Variants in ST7 observed in about 807,000 individuals in gnomAD.
ST7 encodes suppression of tumorigenicity 7, also known as suppressor of tumorigenicity 7 protein.
ST7 carries 28 observed loss-of-function variants against 78.7 expected under a neutral mutation model. The ratio of observed to expected loss-of-function variants is 0.36; its 90% confidence interval spans 0.26 to 0.49. ST7 has a LOEUF of 0.49. ST7 is among the 20% of genes least tolerant of loss of function. The pLI is 0.99. For missense variants in ST7, 418 were observed against 696.0 expected (o/e 0.60, Z 4.49); for synonymous variants, 247 against 249.6 (o/e 0.99, Z 0.10).
chr7:117,138,955 G>A (rs1805035715), intron 9 of ST7, among the ~76,000 whole-genome samples: 1 of 152,098 alleles, frequency 6.6e-6, no homozygotes, highest in Non-Finnish European at 1.5e-5. Context: ...TAGTTGTTAG[G>A]AAGATTCGAA....
intron 1 of ST7, among the ~76,000 whole-genome samples, chr7:117,074,243 T>C (rs2116542058): frequency 6.6e-6 from 1 of 152,140 alleles, no homozygotes; most frequent in Non-Finnish European, 1.5e-5. Context: ...ATACAAAAAT[T>C]AGCCAGGTGT....
intron 2 of ST7, among the ~76,000 whole-genome samples, chr7:117,112,078 A>G (rs780418343): frequency 2.0e-5 from 3 of 151,864 alleles, no homozygotes; most frequent in Admixed American, 6.6e-5. Flanking sequence ...ATATACATAT[A>G]TGTACATATA....
intron 1 of ST7, among the ~76,000 whole-genome samples, chr7:117,000,350 A>G (rs1302002202): frequency 2.0e-5 from 3 of 152,232 alleles, no homozygotes; most frequent in African/African-American, 7.2e-5. Flanking sequence ...TCATGTGGCT[A>G]GTGTGACTGA....
In ST7 at chr7:117,167,053, CTT is replaced by C. The variant is rs763690509; in HGVS notation, c.964-3798_964-3797del. ...GAGAAAAGAGGAGATGGTAATGATTCTTTTTTTTTTTTACTTTGTTTTTTTTA... is the reference window on the plus strand; with the variant it reads ...GAGAAAAGAGGAGATGGTAATGATTCTTTTTTTTTTACTTTGTTTTTTTTA... On this transcript the variant is annotated intron_variant, in intron 9 of 15. Transcript: ENST00000323984. 2.1e-5 allele frequency among the ~76,000 whole-genome samples: 3 copies of C among 143,444 alleles called. No individual in the cohort carries two copies. In the East Asian group the frequency reaches 6.0e-4, roughly 29 times the overall value. The allele number at this position is 143,444 out of a possible 152,430, so 94.1% of individuals were successfully genotyped here.
chr7:116,972,027 G>A (rs578228267), intron 1 of ST7: 523 of 452,836 alleles, frequency 1.2e-3, no homozygotes, highest in Middle Eastern at 2.7e-3. Context: ...AAGACACAGG[G>A]GAGGAGCGGG....
At chr7:117,074,610 A>G (rs956999449) in intron 1 of ST7, 3 of 152,242 alleles carry the variant, frequency 2.0e-5, no homozygotes, top group Non-Finnish European at 4.4e-5. Flanking sequence ...AAGAAAAGTC[A>G]TTAGATACAC....
chr7:117,164,813 G>T (rs1426299937), intron 9 of ST7, among the ~76,000 whole-genome samples: 2 of 136,796 alleles, frequency 1.5e-5, no homozygotes, highest in Non-Finnish European at 3.1e-5. Flanking sequence ...CACTAACTTG[G>T]CTGAATCACT....
intron 1 of ST7, among the ~76,000 whole-genome samples, chr7:117,040,769 G>T (rs1473519211): frequency 6.6e-6 from 1 of 152,150 alleles, no homozygotes; most frequent in Admixed American, 6.5e-5. Context: ...ATATATTTAG[G>T]CTTCCATATT....
intron 12 of ST7, among the ~76,000 whole-genome samples, chr7:117,199,564 A>C (rs1467973052): frequency 6.6e-6 from 1 of 152,186 alleles, no homozygotes. Context: ...GGAGGGGCTA[A>C]CCTTCCTGCT....
chr7:117,189,018 T>C (rs1229284851), intron 10 of ST7, among the ~76,000 whole-genome samples: 3 of 152,222 alleles, frequency 2.0e-5, no homozygotes. Flanking sequence ...TAAATGTATA[T>C]ATTTATAGCT....
intron 1 of ST7, among the ~76,000 whole-genome samples, chr7:117,002,813 CTTTTTTTTTTTTTTTT>C (rs397970060): frequency 1.4e-5 from 1 of 72,148 alleles, no homozygotes; most frequent in Non-Finnish European, 2.4e-5. Context: ...ATTTTTTTTC[CTTTTTTTTTTTTTTTT>C]TTTTTTTTTT....
chr7:117,034,183 C>T (rs1796763651), intron 1 of ST7, among the ~76,000 whole-genome samples: 1 of 152,176 alleles, frequency 6.6e-6, no homozygotes, highest in Non-Finnish European at 1.5e-5. Flanking sequence ...AAGCAATCCT[C>T]CTGCCTCGGC....
At chr7:117,176,642 TC>T (rs1047202195) in intron 10 of ST7, among the ~76,000 whole-genome samples, 4 of 152,210 alleles carry the variant, frequency 2.6e-5, no homozygotes, top group African/African-American at 9.7e-5. Context: ...GGATACCCTG[TC>T]TTTTGGTTAG....
At position 117,040,372 on chromosome 7, in the gene ST7, C is replaced by CA. The variant is rs140911160; in HGVS notation, c.152-59380dup. On this transcript the variant is annotated intron_variant, in intron 1 of 15. Coordinates refer to ENST00000323984, the MANE Select transcript of ST7 (RefSeq NM_001369598.1). ...TGAGTGAAAGAGCGAAATTCTGTCT[C>CA]AAAAAAAAAAGAGTTAGAAACATTC... Among the ~76,000 whole-genome samples the CA allele has an allele frequency of 7.0e-3, 1,016 of 145,276 alleles. 6 individuals carry two copies. Among genetic ancestry groups the CA allele is most frequent in the Non-Finnish European group, 8.6e-3 (567 of 65,790 alleles).
chr7:117,155,407 G>T (rs1402655687), intron 9 of ST7, among the ~76,000 whole-genome samples: 1 of 152,210 alleles, frequency 6.6e-6, no homozygotes, highest in East Asian at 1.9e-4. Flanking sequence ...GTATACAACA[G>T]AGGAGGGATG....
At chr7:117,019,363 A>T (rs1281284264) in intron 1 of ST7, among the ~76,000 whole-genome samples, 2 of 152,194 alleles carry the variant, frequency 1.3e-5, no homozygotes, top group Non-Finnish European at 2.9e-5. Context: ...AGAATATGGT[A>T]ACACAGGAAG....
intron 1 of ST7, among the ~76,000 whole-genome samples, chr7:117,000,264 A>G (rs1794878967): frequency 1.3e-5 from 2 of 152,222 alleles, no homozygotes. Flanking sequence ...TATGCTTAGG[A>G]AGTTTTTAGA....
rs997221367 is a variant in ST7, at chr7:117,050,160, A to G, written c.152-49602A>G. 4.6e-5 allele frequency among the ~76,000 whole-genome samples: 7 copies of G among 151,300 alleles called. No homozygotes were observed. In the East Asian group the frequency reaches 9.7e-4, roughly 21 times the overall value. On this transcript the variant is annotated intron_variant, in intron 1 of 15. Transcript: ENST00000323984. Reference sequence around the variant, plus strand: ...AACCCGGGACGTGGAGGTTGCAGTGAGCTGAGATTGCACCACTGCACTGCA... The same window carrying G: ...AACCCGGGACGTGGAGGTTGCAGTGGGCTGAGATTGCACCACTGCACTGCA...
At chr7:117,084,699 T>C (rs1800012965) in intron 1 of ST7, among the ~76,000 whole-genome samples, 1 of 152,222 alleles carries the variant, frequency 6.6e-6, no homozygotes, top group Non-Finnish European at 1.5e-5. Flanking sequence ...GGTTGTTTTA[T>C]GAAGATTCTA....
Sources: allele counts gnomAD v4.1 joint callset (sites outside exome capture counted in the v4.1 genomes callset), GRCh38; gene constraint gnomAD v4.1.1; transcripts MANE v1.5; gene names NCBI Gene and HGNC (gene_info 2026-07-23, HGNC 2026-07-21).